EPHA6: variants seen among roughly 807,000 people sequenced by gnomAD.
EPHA6 encodes EPH receptor A6.
In EPHA6, 50 loss-of-function variants were observed where a neutral mutation model predicts 112.0. The observed-to-expected ratio is 0.45, with a 90% confidence interval of 0.36 to 0.56. The LOEUF is 0.56. Among genes scored for constraint, EPHA6 ranks in the 20% least tolerant of loss-of-function variants. EPHA6 has a pLI of 0.00. For missense variants in EPHA6, 1,280 were observed against 1,417.4 expected, an observed-to-expected ratio of 0.90 and a Z score of 1.56; for synonymous variants, 529 against 490.7, an observed-to-expected ratio of 1.08 and a Z score of -1.03.
intron 2 of EPHA6, among the ~76,000 whole-genome samples, chr3:96,916,588 A>AGT (rs2039493176): frequency 1.3e-5 from 2 of 152,132 alleles, no homozygotes; most frequent in African/African-American, 4.8e-5. Flanking sequence ...ATAGAAAAAA[A>AGT]CAAGGAGCTG....
chr3:97,733,915 T>G (rs188785161), intron 15 of EPHA6, among the ~76,000 whole-genome samples: 4 of 152,164 alleles, frequency 2.6e-5, no homozygotes, highest in Admixed American at 2.6e-4. Context: ...AGATGTTTTA[T>G]CATGAGAACT....
At chr3:97,092,097 TAA>T (rs140070277) in intron 3 of EPHA6, among the ~76,000 whole-genome samples, 55 of 138,932 alleles carry the variant, frequency 4.0e-4, no homozygotes, top group African/African-American at 1.2e-3. Flanking sequence ...TTTTTTTTTT[TAA>T]AAAAAAAAAG....
intron 2 of EPHA6, among the ~76,000 whole-genome samples, chr3:96,931,471 A>G (rs2107657436): frequency 6.6e-6 from 1 of 151,528 alleles, no homozygotes; most frequent in Admixed American, 6.6e-5. Context: ...TGTCTGTAGA[A>G]AACTGGCTGG....
At chr3:97,223,879 TGAATA>T (rs1395896004) in intron 3 of EPHA6, among the ~76,000 whole-genome samples, 1 of 152,152 alleles carries the variant, frequency 6.6e-6, no homozygotes, top group Non-Finnish European at 1.5e-5. Flanking sequence ...AAAAAATTTT[TGAATA>T]GAAGAATGTA....
chr3:97,207,069 T>G (rs1220464211), intron 3 of EPHA6, among the ~76,000 whole-genome samples: 2 of 152,052 alleles, frequency 1.3e-5, no homozygotes, highest in Non-Finnish European at 2.9e-5. Context: ...ATATTACAAT[T>G]TGCAAATAAC....
intron 3 of EPHA6, among the ~76,000 whole-genome samples, chr3:97,183,027 C>A (rs1000101511): frequency 6.6e-6 from 1 of 151,904 alleles, no homozygotes; most frequent in Non-Finnish European, 1.5e-5. Context: ...TTGGGTTCTA[C>A]TTTGTTTTCA....
intron 5 of EPHA6, among the ~76,000 whole-genome samples, chr3:97,277,657 T>A (rs1184302777): frequency 6.6e-6 from 1 of 152,162 alleles, no homozygotes; most frequent in Non-Finnish European, 1.5e-5. Context: ...TGTAACACAA[T>A]GGTAAATACT....
intron 5 of EPHA6, 160 bp downstream of exon 5, chr3:97,244,447 C>T: frequency 1.6e-6 from 1 of 615,282 alleles, no homozygotes; most frequent in Non-Finnish European, 2.8e-6. Context: ...TCCTAAAACT[C>T]AGAAAGATAT....
chr3:97,079,534 C>A (rs2046649873), intron 3 of EPHA6, among the ~76,000 whole-genome samples: 1 of 147,482 alleles, frequency 6.8e-6, no homozygotes. Context: ...CTAATATGTA[C>A]AACAGACCCC....
At chr3:97,037,591 G>A (rs1447761733) in intron 3 of EPHA6, among the ~76,000 whole-genome samples, 2 of 152,056 alleles carry the variant, frequency 1.3e-5, no homozygotes, top group Non-Finnish European at 2.9e-5. Context: ...GAGAGTTTGA[G>A]TTTTGCTCTA....
rs1049499752 is a variant in EPHA6 at position 97,731,875 on chromosome 3, C to G, written c.2935-4050C>G. 8.6e-5 allele frequency among the ~76,000 whole-genome samples: 13 copies of G among 151,900 alleles called. 1 individual carries two copies. Among genetic ancestry groups the G allele is most frequent in the Non-Finnish European group, 1.6e-4 (11 of 67,922 alleles). On this transcript the variant is annotated intron_variant, in intron 15 of 17. Coordinates refer to ENST00000389672, the MANE Select transcript of EPHA6 (RefSeq NM_001080448.3). ...TTTACCAGCTGACGAAGCCAAAATC[C>G]TAGAAGTTGTTTATCTCCTCCCTCT...
At chr3:96,942,841 A>G (rs771718580) in intron 2 of EPHA6, among the ~76,000 whole-genome samples, 4 of 152,200 alleles carry the variant, frequency 2.6e-5, no homozygotes, top group Non-Finnish European at 4.4e-5. Flanking sequence ...ACTCTGGGAT[A>G]CAAACCAGGG....
At chr3:96,956,193 C>T (rs1316762574) in intron 2 of EPHA6, among the ~76,000 whole-genome samples, 2 of 152,120 alleles carry the variant, frequency 1.3e-5, no homozygotes, top group African/African-American at 4.8e-5. Flanking sequence ...GAAAAAGTAA[C>T]AATCCATACA....
chr3:97,599,278 C>T (rs2093622782), intron 12 of EPHA6, among the ~76,000 whole-genome samples: 1 of 150,190 alleles, frequency 6.7e-6, no homozygotes, highest in East Asian at 2.0e-4. Flanking sequence ...TAATTAGATC[C>T]CATTTGTCAA....
At chr3:97,523,247 G>A (rs1450363586) in intron 10 of EPHA6, among the ~76,000 whole-genome samples, 2 of 151,900 alleles carry the variant, frequency 1.3e-5, no homozygotes, top group African/African-American at 2.4e-5. Context: ...ATTTGTCCGA[G>A]GATATTTTTA....
chr3:96,861,467 A>G (rs1050731609), intron 1 of EPHA6, among the ~76,000 whole-genome samples: 6 of 151,926 alleles, frequency 3.9e-5, no homozygotes, highest in African/African-American at 7.2e-5. Context: ...GGAATCATCT[A>G]TTTTTAAGAA....
chr3:97,231,854 T>C (rs1036527542), intron 4 of EPHA6, among the ~76,000 whole-genome samples: 1 of 151,848 alleles, frequency 6.6e-6, no homozygotes, highest in South Asian at 2.1e-4. Context: ...TTTTTTCCAG[T>C]GGTTAATTTT....
chr3:97,501,880 A>G (rs927456201), intron 10 of EPHA6, among the ~76,000 whole-genome samples: 14 of 152,124 alleles, frequency 9.2e-5, no homozygotes, highest in African/African-American at 3.4e-4. Context: ...GGCTTATGCA[A>G]ACCCACCCCC....
chr3:97,181,816 A>G (rs1405623545), intron 3 of EPHA6, among the ~76,000 whole-genome samples: 1 of 152,076 alleles, frequency 6.6e-6, no homozygotes, highest in Non-Finnish European at 1.5e-5. Context: ...TATCAATTCT[A>G]TTTAAGGCAA....
Sources: allele counts gnomAD v4.1 joint callset (sites outside exome capture counted in the v4.1 genomes callset), GRCh38; gene constraint gnomAD v4.1.1; transcripts MANE v1.5; gene names NCBI Gene and HGNC (gene_info 2026-07-23, HGNC 2026-07-21).